Variants in PIEZO1 observed in about 807,000 individuals in gnomAD.
PIEZO1 encodes piezo-type mechanosensitive ion channel component 1.
In PIEZO1, 296 loss-of-function variants were observed where a neutral mutation model predicts 297.2. The observed-to-expected ratio is 1.00, with a 90% CI of 0.91 to 1.10. PIEZO1 has a LOEUF of 1.10. Among genes scored for constraint, PIEZO1 ranks in the 50% least tolerant of loss-of-function variants. The pLI, the probability that PIEZO1 is intolerant of heterozygous loss-of-function variation, is 0.00. For synonymous variants in PIEZO1, 2,427 were observed against 1,507.5 expected, an observed-to-expected ratio of 1.61 and a Z score of -14.13; for missense variants, 5,018 against 3,455.5, an observed-to-expected ratio of 1.45 and a Z score of -11.34.
rs769127466 is a variant in PIEZO1 at position 88,717,091 on chromosome 16, G to A, written c.6592C>T (p.Arg2198Cys). ...WFPLLFMSLVRSVVGVVNQPI... is the reference protein window; with the variant it reads ...WFPLLFMSLVCSVVGVVNQPI... ...TGGTTGACAACCCCAACCACGGAGCGCACCAGCGACATGAAGAGCAGTGGG... is the reference window on the plus strand; with the variant it reads ...TGGTTGACAACCCCAACCACGGAGCACACCAGCGACATGAAGAGCAGTGGG... Residue 2198 changes from arginine to cysteine, a missense_variant, in exon 45 of 51, where the codon CGC (arginine) becomes TGC (cysteine). Arg to Cys is a radical substitution (Grantham distance 180). Transcript: ENST00000301015. 9.0e-6 allele frequency: 14 copies of A among 1,551,056 alleles called. No individual in the cohort carries two copies. The highest frequency in any genetic ancestry group is 2.4e-5 in the East Asian group (1 of 40,940).
In PIEZO1 at chr16:88,727,136, G is replaced by A. The variant is rs778415207; in HGVS notation, c.3358C>T (p.Arg1120Cys). 1.7e-5 allele frequency: 26 copies of A among 1,549,666 alleles called. No homozygotes were observed. Among genetic ancestry groups the A allele is most frequent in the South Asian group, 4.8e-5 (4 of 84,056 alleles). Reference protein sequence around the residue: ...SQQWQVFSAERTEEWQRMAGV... With the variant: ...SQQWQVFSAECTEEWQRMAGV... ...GCCATGCGCTGCCACTCCTCTGTGC[G>A]CTCAGCTGAGAACACCTGCCACTGC... The change falls in exon 24 of 51, where the codon CGC becomes TGC. Residue 1120 changes from arginine (R) to cysteine (C), a missense_variant. Physicochemically the swap from Arg to Cys is radical, Grantham distance 180. Coordinates refer to ENST00000301015, the MANE Select transcript of PIEZO1 (RefSeq NM_001142864.4).
rs763516197 is a variant in PIEZO1 at position 88,736,171 on chromosome 16, G to A, written c.1534C>T (p.Pro512Ser). 5.8e-5 allele frequency: 90 copies of A among 1,548,294 alleles called. No individual in the cohort carries two copies. In the African/African-American group the frequency reaches 1.1e-3, roughly 20 times the overall value. ...ACCATGGCACCAAGGTCCAGACAGG[G>A]GTAGCGGGTGTGCTCCAGCCCCAGC... The part of the protein sequence containing the change: ...RQLGLEHTRY[P>S]CLDLGAMLLY... Residue 512 changes from proline (P) to serine (S), a missense_variant, in exon 12 of 51, where the codon CCC becomes TCC. By Grantham distance (74) the Pro-to-Ser change is moderately conservative. Transcript: ENST00000301015.
At chr16:88,768,020 A>AC (rs1390292622) in intron 1 of PIEZO1, among the ~76,000 whole-genome samples, 3 of 151,888 alleles carry the variant, frequency 2.0e-5, no homozygotes, top group African/African-American at 7.3e-5. Context: ...TCCAGAGGGG[A>AC]CCCCGTGGAC....
chr16:88,758,605 T>C (rs1187764161), intron 1 of PIEZO1, among the ~76,000 whole-genome samples: 2 of 152,140 alleles, frequency 1.3e-5, no homozygotes, highest in Non-Finnish European at 2.9e-5. Flanking sequence ...AGGAACAGCC[T>C]CGGCACCCAC....
chr16:88,729,474 G>A (rs372568854), intron 22 of PIEZO1, among the ~76,000 whole-genome samples: 13,504 of 102,190 alleles, frequency 0.13, 2 homozygotes, highest in African/African-American at 0.29. Flanking sequence ...GCCACAGAGG[G>A]AACCTCGCGA....
intron 15 of PIEZO1, 34 bp from the exon 16 acceptor site, chr16:88,734,572 C>G (rs1905078854): frequency 1.9e-6 from 3 of 1,545,258 alleles, no homozygotes; most frequent in African/African-American, 2.7e-5. Context: ...CGGCCCGGCC[C>G]CCGGCAGAGC....
At chr16:88,731,614 G>T (rs1043140096) in intron 22 of PIEZO1, 92 bp downstream of exon 22, 1 of 938,456 alleles carries the variant, frequency 1.1e-6, no homozygotes. Flanking sequence ...AGTCTAGGAG[G>T]GTGGACAGGA....
Position 88,736,348 on chromosome 16 carries a change from T to C in PIEZO1, c.1357A>G (p.Ile453Val). 6 of 1,549,982 alleles carry C rather than the reference T, an allele frequency of 3.9e-6. No individual in the cohort carries two copies. Among genetic ancestry groups the C allele is most frequent in the Non-Finnish European group, 5.2e-6 (6 of 1,146,726 alleles). ...TFVLLLWACL[I>V]WTVRSRHQLA... ...TGGTGGCGGCTGCGCACCGTCCAGA[T>C]GAGGCAGGCCCAGAGCAGCAGTACG... is the stretch of plus-strand genomic sequence containing the variant. The change falls in exon 12 of 51, where the codon ATC becomes GTC. Residue 453 changes from isoleucine to valine, a missense_variant. Transcript: ENST00000301015.
intron 44 of PIEZO1, chr16:88,717,502 G>A (rs762977651): frequency 1.6e-4 from 90 of 559,714 alleles, no homozygotes; most frequent in Admixed American, 1.6e-4. Context: ...AGAATGAAAC[G>A]CAACTCCTGC....
Position 88,733,935 on chromosome 16 carries a change from G to A in PIEZO1, c.2300C>T (p.Thr767Ile), listed in dbSNP as rs745419950. Residue 767 changes from threonine (T) to isoleucine (I), a missense_variant, in exon 17 of 51, where the codon ACT becomes ATT. Physicochemically the swap from Thr to Ile is moderately conservative, Grantham distance 89. Coordinates refer to ENST00000301015, the MANE Select transcript of PIEZO1 (RefSeq NM_001142864.4). ...AGGCACCTGCGTGGCCTGGTGGGGA[G>A]TGGCCACGCCCAGCCCCTCGTCCCT... ...DSRDEGLGVA[T>I]PHQATQVPEG... 2.0e-6 allele frequency: 3 copies of A among 1,535,160 alleles called. No individual in the cohort carries two copies. The highest frequency in any genetic ancestry group is 2.4e-5 in the South Asian group (2 of 82,768).
In PIEZO1 at chr16:88,721,447, T is replaced by C; in HGVS notation, c.5404-17A>G. On this transcript the variant is annotated splice_polypyrimidine_tract_variant and intron_variant, in intron 38 of 50. Transcript: ENST00000301015. Reference sequence around the variant, plus strand: ...GCCATAGCACTGAGGGGCGGGAGGGTGTGGTGAGGGGGCCTTGCCTCCCTG... The same window carrying C: ...GCCATAGCACTGAGGGGCGGGAGGGCGTGGTGAGGGGGCCTTGCCTCCCTG... 1 of 1,540,194 alleles carries C rather than the reference T, an allele frequency of 6.5e-7. No individual in the cohort carries two copies. The highest frequency in any genetic ancestry group is 8.8e-7 in the Non-Finnish European group (1 of 1,140,072).
chr16:88,772,943 C>G (rs1192767362), intron 1 of PIEZO1, among the ~76,000 whole-genome samples: 1 of 152,218 alleles, frequency 6.6e-6, no homozygotes, highest in Non-Finnish European at 1.5e-5. Context: ...CAAACACCCA[C>G]GGGACACGTG....
chr16:88,784,861 G>A, intron 1 of PIEZO1, 40 bp downstream of exon 1: 3 of 1,352,306 alleles, frequency 2.2e-6, no homozygotes, highest in Non-Finnish European at 2.9e-6. Flanking sequence ...CCGAGACGCA[G>A]CCCCCTCCCG....
chr16:88,723,750 A>C, intron 31 of PIEZO1, 121 bp downstream of exon 31: 1 of 634,232 alleles, frequency 1.6e-6, no homozygotes, highest in Admixed American at 2.6e-5. Context: ...GGGTGGGCTA[A>C]CTGGAGGTGG....
At chr16:88,774,000 G>C (rs1323551173) in intron 1 of PIEZO1, among the ~76,000 whole-genome samples, 1 of 152,164 alleles carries the variant, frequency 6.6e-6, no homozygotes, top group Non-Finnish European at 1.5e-5. Context: ...CTGACCTTCA[G>C]AGATTGGGGC....
In PIEZO1 at chr16:88,721,241, C is replaced by G; in HGVS notation, c.5593G>C (p.Asp1865His). 1 of 1,541,562 alleles carries G rather than the reference C, an allele frequency of 6.5e-7. No homozygotes were observed. Among genetic ancestry groups the G allele is most frequent in the Non-Finnish European group, 8.7e-7 (1 of 1,146,040 alleles). ...AAACGTAGACTGATGCGCCTCGTATCACGGGGCCTGAGCTCCACTTGGGGT... is the reference window on the plus strand; with the variant it reads ...AAACGTAGACTGATGCGCCTCGTATGACGGGGCCTGAGCTCCACTTGGGGT... ...PEPQVELRPRDTRRISLRFRR... is the reference protein window; with the variant it reads ...PEPQVELRPRHTRRISLRFRR... Residue 1865 changes from aspartate (D) to histidine (H), a missense_variant, in exon 39 of 51, where the codon GAT becomes CAT. Coordinates refer to ENST00000301015, the MANE Select transcript of PIEZO1 (RefSeq NM_001142864.4).
intron 45 of PIEZO1, 27 bp from the exon 46 acceptor site, chr16:88,716,925 CACGAAGATGA>C: frequency 6.5e-7 from 1 of 1,548,384 alleles, no homozygotes; most frequent in East Asian, 2.4e-5. Flanking sequence ...GACACGGGGC[CACGAAGATGA>C]GCGTGGAGGA....
intron 1 of PIEZO1, among the ~76,000 whole-genome samples, chr16:88,763,044 A>G (rs1448539007): frequency 3.3e-5 from 5 of 152,192 alleles, no homozygotes; most frequent in African/African-American, 9.7e-5. Context: ...TGCAACCAAA[A>G]CAGTCTGGCC....
In PIEZO1 at chr16:88,726,266, G is replaced by A. The variant is rs1005917892; in HGVS notation, c.3968+18C>T. 5.8e-6 allele frequency: 9 copies of A among 1,541,550 alleles called. No homozygotes were observed. The highest frequency in any genetic ancestry group is 7.0e-6 in the Non-Finnish European group (8 of 1,142,506). Reference sequence around the variant, plus strand: ...CCCCAAGACGGGAGCTCTGGGCTGTGTCTGGGCCCAAGCTTGCCTGGAGGC... The same window carrying A: ...CCCCAAGACGGGAGCTCTGGGCTGTATCTGGGCCCAAGCTTGCCTGGAGGC... On this transcript the variant is annotated intron_variant, in intron 27 of 50. Transcript: ENST00000301015.
Sources: allele counts gnomAD v4.1 joint callset (sites outside exome capture counted in the v4.1 genomes callset), GRCh38; gene constraint gnomAD v4.1.1; transcripts MANE v1.5; gene names NCBI Gene and HGNC (gene_info 2026-07-23, HGNC 2026-07-21).